KLRG1: variants seen among roughly 807,000 people sequenced by gnomAD.
KLRG1 encodes the protein killer cell lectin like receptor G1, also known as killer cell lectin-like receptor subfamily G member 1.
In KLRG1, 16 loss-of-function variants were observed where a neutral mutation model predicts 21.8. The ratio of observed to expected loss-of-function variants is 0.73; its 90% CI spans 0.50 to 1.11. The LOEUF is 1.11. Among genes scored for constraint, KLRG1 ranks in the 50% most tolerant of loss-of-function variants. The pLI, the probability that KLRG1 is intolerant of heterozygous loss-of-function variation, is 0.00. For missense variants in KLRG1, 173 were observed against 218.3 expected, an observed-to-expected ratio of 0.79 and a Z score of 1.31; for synonymous variants, 69 against 75.9, an observed-to-expected ratio of 0.91 and a Z score of 0.47.
At chr12:8,991,730 C>T (rs1024649126) in intron 1 of KLRG1, among the ~76,000 whole-genome samples, 1 of 152,050 alleles carries the variant, frequency 6.6e-6, no homozygotes, top group Admixed American at 6.6e-5. Context: ...TTTGACTGGC[C>T]TTTTACTGAT....
At chr12:9,215,393 GA>G in the KLRG1 span, among the ~76,000 whole-genome samples, 2 of 151,120 alleles carry the variant, frequency 1.3e-5, no homozygotes, top group African/African-American at 2.4e-5. Flanking sequence ...TACTAGGACT[GA>G]AAAAAAACTG....
At chr12:9,029,814 T>G in the KLRG1 span, among the ~76,000 whole-genome samples, 3 of 152,220 alleles carry the variant, frequency 2.0e-5, no homozygotes, top group Non-Finnish European at 4.4e-5. Flanking sequence ...TGGAGCGCAA[T>G]GGCATGATCT....
intron 1 of KLRG1, among the ~76,000 whole-genome samples, chr12:8,957,295 A>G (rs1301192536): frequency 6.6e-6 from 1 of 152,200 alleles, no homozygotes; most frequent in African/African-American, 2.4e-5. Context: ...GTTGCCTTCA[A>G]TGAGAATATG....
At chr12:9,199,007 T>C in the KLRG1 span, among the ~76,000 whole-genome samples, 1 of 152,146 alleles carries the variant, frequency 6.6e-6, no homozygotes, top group Non-Finnish European at 1.5e-5. Flanking sequence ...TAAAAGGAAC[T>C]GTAAGAGGTA....
intron 1 of KLRG1, among the ~76,000 whole-genome samples, chr12:8,952,347 A>C (rs1239186131): frequency 6.6e-6 from 1 of 152,212 alleles, no homozygotes; most frequent in Non-Finnish European, 1.5e-5. Context: ...GCAAGCCACC[A>C]TGCCCAGCTA....
the KLRG1 span, chr12:9,104,419 G>T: frequency 4.9e-4 from 767 of 1,566,010 alleles, no homozygotes; most frequent in Non-Finnish European, 6.3e-4. Flanking sequence ...TAAAAGCTGT[G>T]GATTAGTTAT....
chr12:8,997,652 G>A (rs1467168719), intron 3 of KLRG1, among the ~76,000 whole-genome samples: 1 of 152,078 alleles, frequency 6.6e-6, no homozygotes, highest in Non-Finnish European at 1.5e-5. Context: ...GCTGTTAAAC[G>A]GTCATCTTTC....
chr12:9,026,211 A>C, the KLRG1 span, among the ~76,000 whole-genome samples: 1 of 152,302 alleles, frequency 6.6e-6, no homozygotes, highest in South Asian at 2.1e-4. Context: ...TAGGCAAGAA[A>C]CCCAAATAAT....
the KLRG1 span, among the ~76,000 whole-genome samples, chr12:9,151,067 C>T: frequency 2.0e-5 from 3 of 152,152 alleles, no homozygotes; most frequent in Non-Finnish European, 2.9e-5. Flanking sequence ...ATTAAAACAA[C>T]GAAGTATTCT....
chr12:9,078,786 C>T, the KLRG1 span, among the ~76,000 whole-genome samples: 2 of 152,174 alleles, frequency 1.3e-5, no homozygotes, highest in Non-Finnish European at 2.9e-5. Flanking sequence ...TTTAATATTG[C>T]TTTACTTTAG....
At chr12:9,094,238 C>T in the KLRG1 span, among the ~76,000 whole-genome samples, 3 of 150,746 alleles carry the variant, frequency 2.0e-5, no homozygotes, top group Admixed American at 6.6e-5. Context: ...TATTCTCTAT[C>T]GTGTCAGAAG....
chr12:8,965,783 A>G (rs1420684137), intron 1 of KLRG1, among the ~76,000 whole-genome samples: 2 of 152,260 alleles, frequency 1.3e-5, no homozygotes, highest in Non-Finnish European at 2.9e-5. Flanking sequence ...TATAGATTCA[A>G]TGCCATCCCC....
chr12:9,037,138 ACT>A, the KLRG1 span: 1 of 158,196 alleles, frequency 6.3e-6, no homozygotes, highest in African/African-American at 2.4e-5. Flanking sequence ...TTACACTCAG[ACT>A]CTGAGCCTGC....
chr12:9,185,661 A>G, the KLRG1 span, among the ~76,000 whole-genome samples: 5 of 4,774 alleles, frequency 1.0e-3, no homozygotes, highest in Non-Finnish European at 2.3e-3. Context: ...AATGAATGAA[A>G]AAAAAAAAAT....
At chr12:9,192,324 A>G in the KLRG1 span, 60 of 1,477,326 alleles carry the variant, frequency 4.1e-5, no homozygotes, top group East Asian at 1.3e-3. Flanking sequence ...TATTCCCCAC[A>G]TGACCCACTT....
the KLRG1 span, among the ~76,000 whole-genome samples, chr12:9,131,521 G>A: frequency 1.3e-5 from 2 of 151,894 alleles, no homozygotes. Flanking sequence ...TGTTTTTGAG[G>A]TATAGTCTGT....
chr12:9,176,374 G>T, the KLRG1 span, among the ~76,000 whole-genome samples: 2 of 152,134 alleles, frequency 1.3e-5, no homozygotes, highest in Non-Finnish European at 2.9e-5. Flanking sequence ...GTGATGGGTT[G>T]ATCTGTGCAG....
chr12:9,091,490 G>A, the KLRG1 span: 1 of 1,525,328 alleles, frequency 6.6e-7, no homozygotes. Flanking sequence ...TTTCTAGGGA[G>A]AGAATCCCTA....
At chr12:8,972,425 C>T (rs770727582) in intron 1 of KLRG1, among the ~76,000 whole-genome samples, 117 of 152,342 alleles carry the variant, frequency 7.7e-4, no homozygotes, top group African/African-American at 2.5e-3. Flanking sequence ...TCCCAAAGTG[C>T]TGGGATTACA....
Sources: gnomAD v4.1 joint callset for allele counts (sites outside exome capture counted in the v4.1 genomes callset) on GRCh38, gnomAD v4.1.1 for gene constraint, MANE v1.5 for transcripts, NCBI Gene and HGNC (gene_info 2026-07-23, HGNC 2026-07-21) for gene names.